DLGAP2: variants seen among roughly 807,000 people sequenced by gnomAD.
DLGAP2 encodes disks large-associated protein 2.
In DLGAP2, 26 loss-of-function variants were observed where a neutral mutation model predicts 100.3. The ratio of observed to expected loss-of-function variants is 0.26; its 90% CI spans 0.19 to 0.36. DLGAP2 has a LOEUF of 0.36. Ranked by LOEUF, DLGAP2 falls within the 10% of genes least tolerant of loss-of-function variation. The pLI is 1.00. For missense variants in DLGAP2, 1,858 were observed against 1,453.2 expected, an observed-to-expected ratio of 1.28 and a Z score of -4.53; for synonymous variants, 886 against 630.1, an observed-to-expected ratio of 1.41 and a Z score of -6.08.
At chr8:1,480,043 C>G (rs1241491230) in intron 3 of DLGAP2, among the ~76,000 whole-genome samples, 6 of 152,330 alleles carry the variant, frequency 3.9e-5, no homozygotes, top group Non-Finnish European at 2.9e-5. Context: ...ATTAGTATCT[C>G]TCTTGCAGAG....
At chr8:1,207,184 C>G (rs893696980) in intron 2 of DLGAP2, among the ~76,000 whole-genome samples, 4 of 152,216 alleles carry the variant, frequency 2.6e-5, no homozygotes, top group African/African-American at 9.6e-5. Flanking sequence ...TTAGTGCACG[C>G]AAGCCATGTA....
At chr8:1,673,234 A>G (rs1421272221) in intron 10 of DLGAP2, among the ~76,000 whole-genome samples, 1 of 152,194 alleles carries the variant, frequency 6.6e-6, no homozygotes, top group Admixed American at 6.5e-5. Context: ...AGCCTTGCAG[A>G]GCACTGGGAT....
chr8:1,502,989 G>A (rs941711371), intron 4 of DLGAP2, among the ~76,000 whole-genome samples: 1 of 152,114 alleles, frequency 6.6e-6, no homozygotes, highest in African/African-American at 2.4e-5. Flanking sequence ...ACTCTGGGGA[G>A]GCCAGCTTTG....
At chr8:824,758 C>T (rs1796654832) in intron 1 of DLGAP2, among the ~76,000 whole-genome samples, 1 of 152,170 alleles carries the variant, frequency 6.6e-6, no homozygotes, top group South Asian at 2.1e-4. Context: ...CTGCCCTCAT[C>T]AGCAGCAAAA....
rs147046184 is a variant in DLGAP2 at position 1,535,822 on chromosome 8, A to T, written c.173-12804A>T. 4.1e-4 allele frequency among the ~76,000 whole-genome samples: 63 copies of T among 152,284 alleles called. 1 individual carries two copies. In the East Asian group the frequency reaches 7.6e-3, roughly 18 times the overall value. On this transcript the variant is annotated intron_variant, in intron 4 of 14. Transcript: ENST00000637795. Reference sequence around the variant, plus strand: ...GAGACTTGCAGGGCATTGAAGGCAGACAGTGGGCTGCCCTGTGCCGGCTCT... The same window carrying T: ...GAGACTTGCAGGGCATTGAAGGCAGTCAGTGGGCTGCCCTGTGCCGGCTCT...
At chr8:1,537,635 A>G (rs1273239407) in intron 4 of DLGAP2, among the ~76,000 whole-genome samples, 1 of 151,894 alleles carries the variant, frequency 6.6e-6, no homozygotes, top group African/African-American at 2.4e-5. Flanking sequence ...TATCCCCAAC[A>G]TCTACTGTGG....
At position 1,596,207 on chromosome 8, in the gene DLGAP2, CT is replaced by C. The variant is rs1189485453; in HGVS notation, c.1442+30319del. Reference sequence around the variant, plus strand: ...TCCCTGCAAAGAACATGAACTCATCCTTTTTTATGGCTGCATAGTATTCCAT... The same window carrying C: ...TCCCTGCAAAGAACATGAACTCATCCTTTTTATGGCTGCATAGTATTCCAT... On this transcript the variant is annotated intron_variant, in intron 6 of 14. Coordinates refer to ENST00000637795, the MANE Select transcript of DLGAP2 (RefSeq NM_001346810.2). 1.2e-4 allele frequency among the ~76,000 whole-genome samples: 18 copies of C among 152,226 alleles called. No homozygotes were observed. The South Asian group carries it at 1.2e-3, about 11-fold the overall frequency.
chr8:1,491,990 G>C (rs1166125248), intron 3 of DLGAP2, among the ~76,000 whole-genome samples: 1 of 152,218 alleles, frequency 6.6e-6, no homozygotes, highest in African/African-American at 2.4e-5. Flanking sequence ...CCGCTGTCGT[G>C]CGCCTTTGCA....
At chr8:1,095,626 C>T (rs1406618885) in intron 2 of DLGAP2, among the ~76,000 whole-genome samples, 1 of 152,190 alleles carries the variant, frequency 6.6e-6, no homozygotes, top group Non-Finnish European at 1.5e-5. Flanking sequence ...GCTGGGCGCA[C>T]AGCCAGGACA....
chr8:1,539,545 G>A (rs1357625378), intron 4 of DLGAP2, among the ~76,000 whole-genome samples: 1 of 152,116 alleles, frequency 6.6e-6, no homozygotes, highest in South Asian at 2.1e-4. Flanking sequence ...GGTGCACTGA[G>A]CCTTGCCAGG....
intron 2 of DLGAP2, among the ~76,000 whole-genome samples, chr8:989,540 C>G (rs1318566310): frequency 6.6e-6 from 1 of 152,134 alleles, no homozygotes; most frequent in Non-Finnish European, 1.5e-5. Flanking sequence ...AACTTTCTCA[C>G]ATGTCATGTG....
chr8:1,275,882 TAA>T (rs33963240), intron 3 of DLGAP2, among the ~76,000 whole-genome samples: 292 of 38,092 alleles, frequency 7.7e-3, no homozygotes, highest in African/African-American at 0.014. Flanking sequence ...AATATATAAA[TAA>T]ATATATAATA....
chr8:1,669,715 C>T (rs1251132435), intron 9 of DLGAP2, 28 bp from the exon 10 acceptor site: 4 of 780,886 alleles, frequency 5.1e-6, no homozygotes, highest in Non-Finnish European at 9.6e-6. Context: ...ACCAGGTCTC[C>T]ACACTGTGGC....
At chr8:1,310,275 G>A (rs1800584794) in intron 3 of DLGAP2, among the ~76,000 whole-genome samples, 3 of 150,898 alleles carry the variant, frequency 2.0e-5, no homozygotes, top group Admixed American at 6.6e-5. Context: ...AAGGACAGAG[G>A]CTATTTATAT....
At chr8:1,409,215 C>T (rs1365156371) in intron 3 of DLGAP2, among the ~76,000 whole-genome samples, 1 of 151,840 alleles carries the variant, frequency 6.6e-6, no homozygotes, top group South Asian at 2.1e-4. Context: ...CCAACTCCTT[C>T]CTCACCATAG....
At chr8:1,565,623 G>A in intron 5 of DLGAP2, 60 bp from the exon 6 acceptor site, 3 of 1,378,316 alleles carry the variant, frequency 2.2e-6, no homozygotes, top group African/African-American at 1.4e-5. Flanking sequence ...CCAAAAAGGA[G>A]CTGATGCTGC....
At chr8:1,334,530 C>T (rs1018621290) in intron 3 of DLGAP2, among the ~76,000 whole-genome samples, 5 of 152,212 alleles carry the variant, frequency 3.3e-5, no homozygotes, top group African/African-American at 9.6e-5. Context: ...CCTAAAGCTG[C>T]TTCCAGTGAG....
intron 2 of DLGAP2, among the ~76,000 whole-genome samples, chr8:1,196,750 C>G (rs1797760722): frequency 6.6e-6 from 1 of 152,158 alleles, no homozygotes; most frequent in Admixed American, 6.5e-5. Flanking sequence ...GCAGTAGGAG[C>G]CTGTGCCTCC....
intron 3 of DLGAP2, among the ~76,000 whole-genome samples, chr8:1,325,548 T>C (rs1486995640): frequency 6.6e-6 from 1 of 152,206 alleles, no homozygotes; most frequent in Non-Finnish European, 1.5e-5. Context: ...TCAGGCCAAA[T>C]TAAATCTAGT....
Sources: gnomAD v4.1 joint callset for allele counts (sites outside exome capture counted in the v4.1 genomes callset) on GRCh38, gnomAD v4.1.1 for gene constraint, MANE v1.5 for transcripts, NCBI Gene and HGNC (gene_info 2026-07-23, HGNC 2026-07-21) for gene names.